The following MDGA2 variants were observed in gnomAD, a reference collection of about 807,000 sequenced individuals.
MDGA2 encodes the protein MAM domain-containing glycosylphosphatidylinositol anchor protein 2.
MDGA2 carries 40 observed loss-of-function variants against 117.8 expected under a neutral mutation model. That is an observed-to-expected ratio of 0.34 (90% CI 0.26 to 0.44). MDGA2 has a LOEUF of 0.44. MDGA2 is among the 20% of genes least tolerant of loss of function. The pLI is 1.00. For missense variants in MDGA2, 1,123 were observed against 1,250.6 expected, an observed-to-expected ratio of 0.90 and a Z score of 1.54; for synonymous variants, 452 against 439.0, an observed-to-expected ratio of 1.03 and a Z score of -0.37.
chr14:47,424,064 C>T (rs955074072), intron 1 of MDGA2, among the ~76,000 whole-genome samples: 21 of 152,106 alleles, frequency 1.4e-4, no homozygotes, highest in Non-Finnish European at 2.5e-4. Context: ...CCACCTGCCT[C>T]GGCCTCCCAA....
chr14:47,098,550 G>A (rs1448008976), intron 5 of MDGA2, among the ~76,000 whole-genome samples: 1 of 151,624 alleles, frequency 6.6e-6, no homozygotes, highest in Admixed American at 6.6e-5. Flanking sequence ...ACCTCAAAGA[G>A]TTATTTAATG....
At chr14:47,054,563 G>T (rs1029199142) in intron 7 of MDGA2, among the ~76,000 whole-genome samples, 9 of 149,558 alleles carry the variant, frequency 6.0e-5, no homozygotes, top group African/African-American at 2.0e-4. Flanking sequence ...AGAACATGAG[G>T]TGTTTGGTTT....
At chr14:47,120,926 G>A (rs1306309042) in intron 5 of MDGA2, among the ~76,000 whole-genome samples, 1 of 152,148 alleles carries the variant, frequency 6.6e-6, no homozygotes, top group Non-Finnish European at 1.5e-5. Flanking sequence ...ACATGCCTCT[G>A]TAATATTAAC....
chr14:47,608,881 T>C (rs996854296), intron 1 of MDGA2, among the ~76,000 whole-genome samples: 4 of 151,848 alleles, frequency 2.6e-5, no homozygotes, highest in Non-Finnish European at 5.9e-5. Context: ...TTCTGGATAT[T>C]TGTAGAAGCA....
Position 46,920,072 on chromosome 14 carries a change from C to T in MDGA2, c.2178G>A (p.Trp726Ter). Residue 726 changes from tryptophan to a stop codon, truncating the protein, a stop_gained, in exon 10 of 17, where the codon TGG (tryptophan) becomes TGA (stop). Coordinates refer to ENST00000399232, the MANE Select transcript of MDGA2 (RefSeq NM_001113498.3). LOFTEE classifies it high-confidence loss of function. ...RHRVYSYSLQ[W>*]TQMNPDAVDR... ...CCACTGCATCAGGATTCATCTGTGT[C>T]CACTGTAGACTGTAAGAATAAACAC... 1 of 1,608,954 alleles carries T rather than the reference C, an allele frequency of 6.2e-7. No individual in the cohort carries two copies. Among genetic ancestry groups the T allele is most frequent in the Non-Finnish European group, 8.5e-7 (1 of 1,177,856 alleles).
intron 9 of MDGA2, among the ~76,000 whole-genome samples, chr14:46,923,466 A>G (rs1884209760): frequency 6.6e-6 from 1 of 152,262 alleles, no homozygotes; most frequent in Middle Eastern, 3.4e-3. Flanking sequence ...TTTACTTAGA[A>G]TCATGAGATT....
At chr14:46,949,330 G>C (rs892222185) in intron 9 of MDGA2, among the ~76,000 whole-genome samples, 3 of 152,008 alleles carry the variant, frequency 2.0e-5, no homozygotes, top group Admixed American at 6.6e-5. Context: ...GCTCCATGCT[G>C]TAATTTGATA....
chr14:46,863,402 C>G (rs1881592383), intron 14 of MDGA2, among the ~76,000 whole-genome samples: 1 of 152,082 alleles, frequency 6.6e-6, no homozygotes, highest in African/African-American at 2.4e-5. Context: ...CATTTATTCT[C>G]TATAGAATTC....
In MDGA2 at chr14:47,301,411, C is replaced by T; in HGVS notation, c.420G>A (p.Gln140=). The change falls in exon 2 of 17, where the codon CAG becomes CAA. Residue 140 remains glutamine, a splice_region_variant and synonymous_variant. Coordinates refer to ENST00000399232, the MANE Select transcript of MDGA2 (RefSeq NM_001113498.3). ...TCLVTGHPRP[Q]IRWTKTAGSA... ...TCCAGTGTCACAGTTCGGGACTCAC[C>T]TGTGGACGTGGATGTCCTGTGACTA... 1.9e-6 allele frequency: 3 copies of T among 1,551,736 alleles called. No homozygotes were observed. Among genetic ancestry groups the T allele is most frequent in the Non-Finnish European group, 2.6e-6 (3 of 1,146,978 alleles).
At chr14:47,544,941 A>G (rs1261850257) in intron 1 of MDGA2, among the ~76,000 whole-genome samples, 1 of 152,214 alleles carries the variant, frequency 6.6e-6, no homozygotes, top group African/African-American at 2.4e-5. Context: ...AATTTAATCT[A>G]ATTTACTAAC....
chr14:46,911,332 G>A (rs1883693221), intron 10 of MDGA2, among the ~76,000 whole-genome samples: 1 of 152,152 alleles, frequency 6.6e-6, no homozygotes, highest in South Asian at 2.1e-4. Context: ...GAAAACAGAA[G>A]CTGGGAAAAC....
chr14:47,326,891 A>G (rs1431472255), intron 1 of MDGA2, among the ~76,000 whole-genome samples: 4 of 152,088 alleles, frequency 2.6e-5, no homozygotes, highest in Non-Finnish European at 5.9e-5. Flanking sequence ...AGCTTTTTTC[A>G]TCAGTCAAAG....
chr14:47,141,271 T>C (rs530024861), intron 4 of MDGA2, among the ~76,000 whole-genome samples: 2 of 152,276 alleles, frequency 1.3e-5, no homozygotes, highest in Admixed American at 1.3e-4. Flanking sequence ...AGCTATAATA[T>C]GATCCAGCAA....
At chr14:47,612,009 C>T (rs1389205388) in intron 1 of MDGA2, among the ~76,000 whole-genome samples, 2 of 152,118 alleles carry the variant, frequency 1.3e-5, no homozygotes, top group African/African-American at 4.8e-5. Flanking sequence ...ACCACAGAAT[C>T]ACAAGTTTAA....
At chr14:47,119,190 C>CCCCCG (rs1555355042) in intron 5 of MDGA2, among the ~76,000 whole-genome samples, 1 of 74,642 alleles carries the variant, frequency 1.3e-5, no homozygotes, top group Non-Finnish European at 3.0e-5. Flanking sequence ...CCCCCCCCAC[C>CCCCCG]CCGTAGCTGG....
intron 5 of MDGA2, among the ~76,000 whole-genome samples, chr14:47,111,452 G>C (rs1881030186): frequency 1.3e-5 from 2 of 152,056 alleles, no homozygotes; most frequent in Admixed American, 6.6e-5. Context: ...AAATTGGATA[G>C]AGTAAAAACA....
At chr14:47,528,906 C>T (rs986810761) in intron 1 of MDGA2, among the ~76,000 whole-genome samples, 1 of 151,844 alleles carries the variant, frequency 6.6e-6, no homozygotes, top group Non-Finnish European at 1.5e-5. Context: ...CAGGTACAAA[C>T]TATATATATT....
At chr14:46,862,063 T>C (rs1881531840) in intron 14 of MDGA2, among the ~76,000 whole-genome samples, 1 of 152,062 alleles carries the variant, frequency 6.6e-6, no homozygotes, top group Admixed American at 6.6e-5. Flanking sequence ...ACTGTGTTCA[T>C]GCTTTAGTAG....
At chr14:47,088,713 G>C (rs959773982) in intron 6 of MDGA2, among the ~76,000 whole-genome samples, 1 of 152,154 alleles carries the variant, frequency 6.6e-6, no homozygotes, top group Admixed American at 6.5e-5. Context: ...GTGCCCAGTT[G>C]TAAGTATACA....
Sources: gnomAD v4.1 joint callset for allele counts (sites outside exome capture counted in the v4.1 genomes callset) on GRCh38, gnomAD v4.1.1 for gene constraint, MANE v1.5 for transcripts, NCBI Gene and HGNC (gene_info 2026-07-23, HGNC 2026-07-21) for gene names.